The following UBR3 variants were observed in gnomAD, a reference collection of about 807,000 sequenced individuals.
UBR3 encodes the protein E3 ubiquitin-protein ligase UBR3.
UBR3 carries 85 observed loss-of-function variants against 243.2 expected under a neutral mutation model. The ratio of observed to expected loss-of-function variants is 0.35; its 90% CI spans 0.29 to 0.42. UBR3 has a LOEUF of 0.42. Ranked by LOEUF, UBR3 falls within the 10% of genes least tolerant of loss-of-function variation. The probability of loss-of-function intolerance (pLI) is 1.00; values close to 1 mark genes in which losing one functional copy is unlikely to be tolerated. For synonymous variants in UBR3, 748 were observed against 799.8 expected, an observed-to-expected ratio of 0.94 and a Z score of 1.09; for missense variants, 1,686 against 2,300.8, an observed-to-expected ratio of 0.73 and a Z score of 5.47.
intron 1 of UBR3, among the ~76,000 whole-genome samples, chr2:169,856,890 T>A (rs2082892694): frequency 6.6e-6 from 1 of 152,026 alleles, no homozygotes; most frequent in Admixed American, 6.6e-5. Flanking sequence ...TAGCATAGTA[T>A]GTCATCAAAC....
chr2:169,838,395 GT>G, intron 1 of UBR3, among the ~76,000 whole-genome samples: 1 of 18,158 alleles, frequency 5.5e-5, no homozygotes, highest in Admixed American at 5.3e-4. Context: ...ATTTGTGTGT[GT>G]GTGTGTGTGT....
At chr2:169,838,097 G>C (rs1182561519) in intron 1 of UBR3, among the ~76,000 whole-genome samples, 1 of 152,142 alleles carries the variant, frequency 6.6e-6, no homozygotes, top group Non-Finnish European at 1.5e-5. Context: ...AGCTTGTCAA[G>C]TTCTCTGGAA....
chr2:170,036,237 G>C (rs1345492579), intron 31 of UBR3, among the ~76,000 whole-genome samples: 3 of 152,008 alleles, frequency 2.0e-5, no homozygotes, highest in Non-Finnish European at 2.9e-5. Context: ...GGACATCTTT[G>C]CCTAGTTCCT....
intron 1 of UBR3, among the ~76,000 whole-genome samples, chr2:169,868,863 G>A (rs1411319315): frequency 6.6e-6 from 1 of 152,084 alleles, no homozygotes; most frequent in Non-Finnish European, 1.5e-5. Flanking sequence ...GTTAGAATTG[G>A]TTTACATATT....
intron 32 of UBR3, 58 bp downstream of exon 32, chr2:170,041,043 A>C: frequency 6.7e-7 from 1 of 1,492,134 alleles, no homozygotes; most frequent in Non-Finnish European, 9.2e-7. Context: ...AATATTCTAG[A>C]GATTATAGAG....
At chr2:169,924,050 A>G (rs1265971161) in intron 12 of UBR3, 34 bp from the exon 13 acceptor site, 1 of 1,526,038 alleles carries the variant, frequency 6.6e-7, no homozygotes, top group Non-Finnish European at 8.8e-7. Context: ...AGAAATAAGA[A>G]TTGAATTAGT....
intron 1 of UBR3, among the ~76,000 whole-genome samples, chr2:169,863,405 A>G (rs965440726): frequency 6.6e-6 from 1 of 152,210 alleles, no homozygotes; most frequent in Admixed American, 6.5e-5. Context: ...GATGATGTCA[A>G]ACAAAATTTA....
chr2:169,848,777 A>C (rs1176706921), intron 1 of UBR3, among the ~76,000 whole-genome samples: 1 of 148,098 alleles, frequency 6.8e-6, no homozygotes, highest in African/African-American at 2.5e-5. Context: ...ATCTCGGCTC[A>C]CTGCAACCTC....
At chr2:169,975,295 T>C (rs940237701) in intron 24 of UBR3, among the ~76,000 whole-genome samples, 1 of 152,210 alleles carries the variant, frequency 6.6e-6, no homozygotes, top group Non-Finnish European at 1.5e-5. Flanking sequence ...TTTCCAGTTA[T>C]ATTCCATTGT....
chr2:169,830,641 C>T (rs899299697), intron 1 of UBR3, among the ~76,000 whole-genome samples: 5 of 132,712 alleles, frequency 3.8e-5, no homozygotes, highest in Non-Finnish European at 6.8e-5. Flanking sequence ...CTTTTCAATT[C>T]TATGTTTTAT....
chr2:170,019,523 A>G (rs1322263622), intron 30 of UBR3, among the ~76,000 whole-genome samples: 2 of 152,032 alleles, frequency 1.3e-5, no homozygotes, highest in Non-Finnish European at 2.9e-5. Context: ...CATCTCTAAA[A>G]AGAAAAATAA....
chr2:170,065,909 G>A (rs1486799556), intron 35 of UBR3, among the ~76,000 whole-genome samples: 5 of 150,552 alleles, frequency 3.3e-5, no homozygotes, highest in Non-Finnish European at 7.4e-5. Flanking sequence ...TTGAGCCGTG[G>A]AAGTGATAGG....
intron 32 of UBR3, among the ~76,000 whole-genome samples, chr2:170,048,373 C>G (rs936368960): frequency 1.3e-5 from 2 of 152,202 alleles, no homozygotes; most frequent in African/African-American, 4.8e-5. Context: ...AAACCTCACT[C>G]TGGCATCATG....
chr2:170,068,736 T>TTGA (rs1211073874), intron 35 of UBR3, among the ~76,000 whole-genome samples: 2 of 151,846 alleles, frequency 1.3e-5, no homozygotes, highest in Admixed American at 1.3e-4. Context: ...AGAGAGCTGA[T>TTGA]TGATAAGAAA....
chr2:170,060,982 A>G (rs1207610871), intron 33 of UBR3, 97 bp from the exon 34 acceptor site: 3 of 805,936 alleles, frequency 3.7e-6, no homozygotes, highest in South Asian at 3.1e-5. Flanking sequence ...GAAAAATAAT[A>G]TAATCACAGT....
chr2:169,912,749 A>T (rs1241532080), intron 10 of UBR3, among the ~76,000 whole-genome samples: 1 of 151,276 alleles, frequency 6.6e-6, no homozygotes, highest in Admixed American at 6.6e-5. Flanking sequence ...TCTTATGGTA[A>T]CTCTATATTT....
intron 33 of UBR3, 83 bp from the exon 34 acceptor site, chr2:170,060,996 A>T: frequency 1.1e-6 from 1 of 934,908 alleles, no homozygotes; most frequent in African/African-American, 1.7e-5. Context: ...TCACAGTTTT[A>T]CTCTACTCAT....
chr2:170,004,032 GC>G (rs1251274103), intron 27 of UBR3, among the ~76,000 whole-genome samples: 2 of 152,154 alleles, frequency 1.3e-5, no homozygotes, highest in African/African-American at 4.8e-5. Flanking sequence ...ATTGTAAGGG[GC>G]CTTCTGGTCC....
intron 23 of UBR3, among the ~76,000 whole-genome samples, chr2:169,952,193 G>T (rs1381780049): frequency 6.6e-6 from 1 of 152,142 alleles, no homozygotes; most frequent in Non-Finnish European, 1.5e-5. Flanking sequence ...GACTGAGGAA[G>T]GGGTACCTAC....
Sources: gnomAD v4.1 joint callset for allele counts (sites outside exome capture counted in the v4.1 genomes callset) on GRCh38, gnomAD v4.1.1 for gene constraint, MANE v1.5 for transcripts, NCBI Gene and HGNC (gene_info 2026-07-23, HGNC 2026-07-21) for gene names.